The following QTGAL variants were observed in gnomAD, a reference collection of about 807,000 sequenced individuals.
QTGAL encodes BGnT-like protein 1.
chr17:82,968,355 C>T, the QTGAL span, among the ~76,000 whole-genome samples: 2 of 152,086 alleles, frequency 1.3e-5, no homozygotes, highest in East Asian at 3.9e-4. Flanking sequence ...GAACAAACTG[C>T]CGGTCAGGGC....
At chr17:83,027,006 A>T in the QTGAL span, among the ~76,000 whole-genome samples, 1 of 108,372 alleles carries the variant, frequency 9.2e-6, no homozygotes, top group East Asian at 3.3e-4. Context: ...AGACACACAG[A>T]GCGGGGCAGG....
the QTGAL span, chr17:83,014,390 T>C: frequency 1.3e-6 from 2 of 1,557,198 alleles, no homozygotes; most frequent in Non-Finnish European, 1.8e-6. Flanking sequence ...AAACTCTTTA[T>C]TTAAAAAACC....
At chr17:82,967,946 A>G in the QTGAL span, among the ~76,000 whole-genome samples, 2 of 152,204 alleles carry the variant, frequency 1.3e-5, no homozygotes, top group Non-Finnish European at 2.9e-5. Context: ...CTCTTAAAAT[A>G]TAAAAAGTAA....
chr17:83,045,621 G>A, the QTGAL span, among the ~76,000 whole-genome samples: 82,295 of 151,840 alleles, frequency 0.54, 22,463 homozygotes, highest in East Asian at 0.75. Flanking sequence ...TGTGCATCAA[G>A]GGACACTCTC....
At chr17:82,956,928 G>C in the QTGAL span, 4 of 1,016,894 alleles carry the variant, frequency 3.9e-6, no homozygotes, top group Non-Finnish European at 5.9e-6. This position sits in a 1 kb window ranked among gnomAD's most constrained non-coding sequence, Gnocchi z 5.7. Context: ...GGTGTTCAGA[G>C]CAGGAACCCG....
chr17:83,044,178 T>C, the QTGAL span, among the ~76,000 whole-genome samples: 18 of 152,292 alleles, frequency 1.2e-4, no homozygotes, highest in African/African-American at 4.1e-4. Context: ...AAAGATATCA[T>C]ATGAATAGGA....
At chr17:82,962,577 CTGTGGGTGCTGGTGGG>C in the QTGAL span, among the ~76,000 whole-genome samples, 1 of 108,698 alleles carries the variant, frequency 9.2e-6, no homozygotes, top group Admixed American at 9.4e-5. Context: ...GTGGAGGTTC[CTGTGGGTGCTGGTGGG>C]CACGGACCCT....
At chr17:83,023,453 C>G in the QTGAL span, among the ~76,000 whole-genome samples, 1 of 152,276 alleles carries the variant, frequency 6.6e-6, no homozygotes, top group African/African-American at 2.4e-5. Context: ...TACCAACATT[C>G]TTTTCTAAAT....
At chr17:82,982,892 G>C in the QTGAL span, among the ~76,000 whole-genome samples, 1 of 152,096 alleles carries the variant, frequency 6.6e-6, no homozygotes, top group Non-Finnish European at 1.5e-5. Flanking sequence ...TGGAGTTTCT[G>C]GTTTGGGTCC....
chr17:82,979,053 C>T, the QTGAL span, among the ~76,000 whole-genome samples: 1 of 152,112 alleles, frequency 6.6e-6, no homozygotes, highest in African/African-American at 2.4e-5. Context: ...AAAAACTCAG[C>T]TTCCACATTA....
At chr17:83,023,236 C>A in the QTGAL span, among the ~76,000 whole-genome samples, 2 of 97,214 alleles carry the variant, frequency 2.1e-5, no homozygotes, top group Non-Finnish European at 4.2e-5. Context: ...CCACCTGCAC[C>A]AGCGTGAACT....
chr17:82,973,344 C>T, the QTGAL span, among the ~76,000 whole-genome samples: 5 of 152,078 alleles, frequency 3.3e-5, no homozygotes, highest in African/African-American at 1.2e-4. Context: ...TTGATTAGAG[C>T]GAGGTAAAAT....
At chr17:82,999,352 C>A in the QTGAL span, among the ~76,000 whole-genome samples, 1 of 152,140 alleles carries the variant, frequency 6.6e-6, no homozygotes, top group African/African-American at 2.4e-5. Flanking sequence ...GGAACTGGAA[C>A]AACTCAAATG....
At chr17:83,029,127 T>C in the QTGAL span, among the ~76,000 whole-genome samples, 34 of 152,220 alleles carry the variant, frequency 2.2e-4, no homozygotes, top group African/African-American at 7.7e-4. Flanking sequence ...GCACCTTGAC[T>C]GGGGTGTGAG....
At chr17:82,957,115 G>C in the QTGAL span, 1 of 1,595,590 alleles carries the variant, frequency 6.3e-7, no homozygotes, top group East Asian at 2.2e-5. Flanking sequence ...AAGGCTCGGA[G>C]CAGCTGTCCC....
chr17:83,025,168 AGTCC>A, the QTGAL span, among the ~76,000 whole-genome samples: 1 of 100,390 alleles, frequency 1.0e-5, no homozygotes, highest in South Asian at 2.9e-4. Flanking sequence ...GACACCGCGG[AGTCC>A]ACACACGGAC....
the QTGAL span, among the ~76,000 whole-genome samples, chr17:83,020,536 T>A: frequency 1.3e-5 from 2 of 152,338 alleles, no homozygotes; most frequent in Non-Finnish European, 2.9e-5. Context: ...GACCGAGGTC[T>A]GGAGCGGAGA....
At chr17:82,993,813 T>C in the QTGAL span, among the ~76,000 whole-genome samples, 1 of 151,862 alleles carries the variant, frequency 6.6e-6, no homozygotes, top group South Asian at 2.1e-4. Flanking sequence ...CTAAAATATC[T>C]AGTTTTATTT....
At chr17:82,989,930 G>A in the QTGAL span, among the ~76,000 whole-genome samples, 21 of 152,344 alleles carry the variant, frequency 1.4e-4, no homozygotes, top group Middle Eastern at 3.4e-3. Flanking sequence ...CCTAAGAGCT[G>A]GCTGACTTTC....
Sources: allele counts gnomAD v4.1 joint callset (sites outside exome capture counted in the v4.1 genomes callset), GRCh38; gene constraint gnomAD v4.1.1; non-coding constraint Gnocchi (gnomAD v3.1); transcripts MANE v1.5; gene names NCBI Gene and HGNC (gene_info 2026-07-23, HGNC 2026-07-21).